The following ITFG2 variants were observed in gnomAD, a reference collection of about 807,000 sequenced individuals.
ITFG2 encodes KICSTOR complex protein ITFG2.
Under a neutral mutation model 54.4 loss-of-function variants are expected in ITFG2, and 36 were observed. That is an observed-to-expected ratio of 0.66 (90% CI 0.51 to 0.87). ITFG2 has a LOEUF of 0.87. ITFG2 is among the 40% of genes least tolerant of loss of function. The pLI is 0.00. For synonymous variants in ITFG2, 211 were observed against 225.4 expected (o/e 0.94, Z 0.57); for missense variants, 524 against 576.7 (o/e 0.91, Z 0.94).
chr12:2,849,888 A>G (rs2098064594), intron 2 of ITFG2, among the ~76,000 whole-genome samples: 1 of 152,196 alleles, frequency 6.6e-6, no homozygotes, highest in Non-Finnish European at 1.5e-5. Context: ...AACTCAGCTC[A>G]ACTGGATAAC....
In ITFG2 at chr12:2,855,255, G is replaced by C. The variant is rs531686897; in HGVS notation, n.301-2757G>C. Reference sequence around the variant, plus strand: ...TGTGAAAGCCCCAGGTGTGCTGGGCGCCACCCTTCCAAGGGTGGATGAGCC... The same window carrying C: ...TGTGAAAGCCCCAGGTGTGCTGGGCCCCACCCTTCCAAGGGTGGATGAGCC... On this transcript the variant is annotated intron_variant and non_coding_transcript_variant, in intron 2 of 3. Transcript: ENST00000537710. The C allele has an allele frequency of 1.1e-5, 16 of 1,510,088 alleles. No homozygotes were observed. The East Asian group carries it at 2.0e-4, about 19-fold the overall frequency. 93.5% of individuals were successfully genotyped at this position (1,510,088 alleles called of 1,614,324 possible).
chr12:2,825,294 A>G (rs2097961023), downstream of ITFG2: 1 of 152,266 alleles, frequency 6.6e-6, no homozygotes, highest in Non-Finnish European at 1.5e-5. Context: ...ACAATGGGCA[A>G]TTATCACTCA....
intron 2 of ITFG2, among the ~76,000 whole-genome samples, chr12:2,856,665 C>T (rs7309661): frequency 0.25 from 38,409 of 152,170 alleles, 5,224 homozygotes; most frequent in East Asian, 0.4. Flanking sequence ...GCCTGGCCCC[C>T]AGGACTTTTC....
chr12:2,818,057 C>T lies in ITFG2; in HGVS notation c.235-49C>T, dbSNP rs370306985. On this transcript the variant is annotated intron_variant, in intron 3 of 11. Transcript: ENST00000228799. ...TGTGATCTGATGATCAGGCTTGTTT[C>T]CAAAACTCCCTCCCCAGTCCATCTC... 1.9e-6 allele frequency: 3 copies of T among 1,608,524 alleles called. No homozygotes were observed. The African/African-American group carries it at 4.0e-5, about 22-fold the overall frequency.
In ITFG2 at chr12:2,852,841, G is replaced by A. The variant is rs565715957; in HGVS notation, n.301-5171G>A. 2.0e-5 allele frequency among the ~76,000 whole-genome samples: 3 copies of A among 152,044 alleles called. No homozygotes were observed. The East Asian group carries it at 5.8e-4, about 30-fold the overall frequency. On this transcript the variant is annotated intron_variant and non_coding_transcript_variant, in intron 2 of 3. Transcript: ENST00000537710. ...GGAGAAACCCCGTCTCTACTAAAAA[G>A]TACAAAAATTAGCCAGGCATGGTGA...
At chr12:2,829,068 A>G (rs2097986031), downstream of ITFG2, among the ~76,000 whole-genome samples, 1 of 152,078 alleles carries the variant, frequency 6.6e-6, no homozygotes, top group Non-Finnish European at 1.5e-5. Flanking sequence ...AAAAGTGGTT[A>G]TATGTGATGG....
chr12:2,835,813 T>C (rs1466576068), upstream of ITFG2, among the ~76,000 whole-genome samples: 1 of 152,252 alleles, frequency 6.6e-6, no homozygotes, highest in Non-Finnish European at 1.5e-5. Flanking sequence ...CAGACTTCTT[T>C]ATATTCTTTA....
At chr12:2,817,852 A>T in intron 2 of ITFG2, 57 bp from the exon 3 acceptor site, 1 of 1,517,436 alleles carries the variant, frequency 6.6e-7, no homozygotes, top group Non-Finnish European at 9.0e-7. Context: ...CTTCACAGAG[A>T]TCAGGGAGTA....
downstream of ITFG2, chr12:2,827,706 G>T (rs1437702627): frequency 6.2e-7 from 1 of 1,613,684 alleles, no homozygotes. The surrounding 1 kb of genome is among the most constrained non-coding windows in gnomAD (Gnocchi z 4.0). Context: ...AACAGAAGAG[G>T]CTGAGGGTTC....
chr12:2,839,284 C>T (rs2098035486), intron 1 of ITFG2, among the ~76,000 whole-genome samples: 1 of 151,986 alleles, frequency 6.6e-6, no homozygotes, highest in South Asian at 2.1e-4. Flanking sequence ...GGGTGAAACT[C>T]CGGCTCAAAA....
intron 2 of ITFG2, among the ~76,000 whole-genome samples, chr12:2,852,436 G>GGCTA (rs2098074070): frequency 6.6e-6 from 1 of 152,014 alleles, no homozygotes; most frequent in Non-Finnish European, 1.5e-5. Context: ...GCACAGTGAT[G>GGCTA]GCTAACTGCA....
chr12:2,815,763 T>C (rs567402617), intron 1 of ITFG2, among the ~76,000 whole-genome samples: 1 of 152,330 alleles, frequency 6.6e-6, no homozygotes, highest in East Asian at 1.9e-4. Flanking sequence ...CCATAGATTG[T>C]GTGTAGCCTC....
rs1238072970 is a variant in ITFG2, at chr12:2,856,772, A to G, written n.301-1240A>G. Among the ~76,000 whole-genome samples the G allele has an allele frequency of 2.0e-5, 3 of 152,206 alleles. No homozygotes were observed. In the East Asian group the frequency reaches 5.8e-4, roughly 29 times the overall value. On this transcript the variant is annotated intron_variant and non_coding_transcript_variant, in intron 2 of 3. Coordinates refer to the ITFG2 transcript ENST00000537710. The stretch of plus-strand genomic sequence containing the variant: ...GGGGCTGGGAGATGTGGCACTAGCC[A>G]GGCATCTCCTCTCTGTTCTGAGCTC...
At chr12:2,819,029 T>G (rs1481850887) in intron 4 of ITFG2, among the ~76,000 whole-genome samples, 1 of 146,694 alleles carries the variant, frequency 6.8e-6, no homozygotes. Flanking sequence ...AAAAAGAAAA[T>G]AAGTGCAGCC....
At chr12:2,830,479 C>T in intron 2 of ITFG2, 1 of 477,300 alleles carries the variant, frequency 2.1e-6, no homozygotes, top group East Asian at 3.6e-5. Flanking sequence ...TGTATTTTGA[C>T]CAAGGAAGGG....
At chr12:2,849,266 CTGGGGATTTGCTTGCT>C in intron 2 of ITFG2, 2 of 1,536,118 alleles carry the variant, frequency 1.3e-6, no homozygotes, top group Non-Finnish European at 1.7e-6. Context: ...CTCTTCCTTG[CTGGGGATTTGCTTGCT>C]TGTGCCTTGG....
At chr12:2,857,371 G>A in intron 2 of ITFG2, 2 of 363,546 alleles carry the variant, frequency 5.5e-6, no homozygotes, top group South Asian at 3.1e-5. Flanking sequence ...ATGTTCAGGG[G>A]GCCCTACCCC....
upstream of ITFG2, among the ~76,000 whole-genome samples, chr12:2,834,006 TCA>T (rs1394772303): frequency 6.6e-6 from 1 of 152,128 alleles, no homozygotes; most frequent in African/African-American, 2.4e-5. Flanking sequence ...CGCCGCCCAC[TCA>T]CATCCTCACT....
intron 2 of ITFG2, chr12:2,857,245 A>T: frequency 1.7e-6 from 1 of 579,366 alleles, no homozygotes; most frequent in Non-Finnish European, 3.1e-6. Flanking sequence ...GACTGCAAAA[A>T]ACTGTAACAG....
Sources: gnomAD v4.1 joint callset for allele counts (sites outside exome capture counted in the v4.1 genomes callset) on GRCh38, gnomAD v4.1.1 for gene constraint, Gnocchi (gnomAD v3.1) non-coding constraint, MANE v1.5 for transcripts, NCBI Gene and HGNC (gene_info 2026-07-23, HGNC 2026-07-21) for gene names.